The following TRHDE variants were observed in gnomAD, a reference collection of about 807,000 sequenced individuals.
TRHDE encodes thyrotropin-releasing hormone-degrading ectoenzyme.
In TRHDE, 72 loss-of-function variants were observed where a neutral mutation model predicts 125.7. The ratio of observed to expected loss-of-function variants is 0.57; its 90% CI spans 0.47 to 0.70. TRHDE has a LOEUF of 0.70. Ranked by LOEUF, TRHDE falls within the 30% of genes least tolerant of loss-of-function variation. The pLI is 0.00. For synonymous variants in TRHDE, 509 were observed against 509.1 expected (o/e 1.00, Z 0.00); for missense variants, 1,110 against 1,327.1 (o/e 0.84, Z 2.54).
At chr12:72,508,693 G>A (rs1339369351) in intron 6 of TRHDE, among the ~76,000 whole-genome samples, 2 of 152,102 alleles carry the variant, frequency 1.3e-5, no homozygotes, top group Admixed American at 1.3e-4. Flanking sequence ...GACTTTAGGG[G>A]ACTGCTGGGA....
chr12:72,553,921 G>A (rs148195106), intron 7 of TRHDE, among the ~76,000 whole-genome samples: 2 of 145,028 alleles, frequency 1.4e-5, no homozygotes, highest in Admixed American at 7.1e-5. Flanking sequence ...CAACCTCAAC[G>A]CACTGCAACT....
At chr12:72,365,936 CT>C (rs1871323270) in intron 2 of TRHDE, among the ~76,000 whole-genome samples, 1 of 152,112 alleles carries the variant, frequency 6.6e-6, no homozygotes, top group Non-Finnish European at 1.5e-5. Flanking sequence ...GCCTCTCCAG[CT>C]TCTAATACTG....
At chr12:72,383,628 T>G (rs1442253865) in intron 3 of TRHDE, among the ~76,000 whole-genome samples, 1 of 151,922 alleles carries the variant, frequency 6.6e-6, no homozygotes. Flanking sequence ...CCACCTGCCT[T>G]GGCCTCCCAA....
At chr12:72,155,726 C>T (rs141881565) in intron 2 of TRHDE, among the ~76,000 whole-genome samples, 4,660 of 152,202 alleles carry the variant, frequency 0.031, 126 homozygotes, top group African/African-American at 0.068. Flanking sequence ...GAACAGCAAA[C>T]GTTGCTGCCT....
At chr12:72,467,076 C>A (rs1320893145) in intron 3 of TRHDE, among the ~76,000 whole-genome samples, 2 of 152,130 alleles carry the variant, frequency 1.3e-5, no homozygotes, top group Admixed American at 1.3e-4. Context: ...CCGTTGATAT[C>A]CTATTTACCT....
Position 72,516,367 on chromosome 12 carries a change from G to A in TRHDE, c.1722+16732G>A, listed in dbSNP as rs187970666. 7.8e-4 allele frequency among the ~76,000 whole-genome samples: 119 copies of A among 152,260 alleles called. No homozygotes were observed. In the South Asian group the frequency reaches 7.9e-3, roughly 10 times the overall value. On this transcript the variant is annotated intron_variant, in intron 6 of 18. Coordinates refer to ENST00000261180, the MANE Select transcript of TRHDE (RefSeq NM_013381.3). Reference sequence around the variant, plus strand: ...CTTGAAGAGGTCCTTCACATCCCTTGTAAGTTCAATTCCTAGGTATTTTAT... The same window carrying A: ...CTTGAAGAGGTCCTTCACATCCCTTATAAGTTCAATTCCTAGGTATTTTAT...
At chr12:72,498,963 ATGTGTGTGTGTGTG>A (rs72163048) in intron 5 of TRHDE, among the ~76,000 whole-genome samples, 4 of 147,168 alleles carry the variant, frequency 2.7e-5, no homozygotes, top group Non-Finnish European at 6.0e-5. Context: ...CAGAAAATAA[ATGTGTGTGTGTGTG>A]TGTGTGTGTG....
At chr12:72,220,341 A>T (rs539219721) in intron 2 of TRHDE, among the ~76,000 whole-genome samples, 1 of 152,172 alleles carries the variant, frequency 6.6e-6, no homozygotes, top group African/African-American at 2.4e-5. Flanking sequence ...CCTAAAACAT[A>T]TAGTCTAGGC....
intron 3 of TRHDE, among the ~76,000 whole-genome samples, chr12:72,380,755 C>CTTCT (rs1565720473): frequency 1.2e-3 from 109 of 93,278 alleles, no homozygotes; most frequent in African/African-American, 7.3e-3. Context: ...TCCTTCCTTC[C>CTTCT]TTCCTTCCTT....
intron 15 of TRHDE, among the ~76,000 whole-genome samples, chr12:72,632,110 T>A (rs2136087453): frequency 6.6e-6 from 1 of 152,104 alleles, no homozygotes. Flanking sequence ...AGTGGGGCTT[T>A]CATAGACACT....
intron 3 of TRHDE, among the ~76,000 whole-genome samples, chr12:72,387,902 A>G (rs1160693517): frequency 6.6e-6 from 1 of 152,074 alleles, no homozygotes; most frequent in African/African-American, 2.4e-5. Context: ...GAGTTCATTA[A>G]ACCTCTTTTT....
intron 15 of TRHDE, among the ~76,000 whole-genome samples, chr12:72,630,627 A>G (rs933714674): frequency 1.3e-5 from 2 of 151,650 alleles, no homozygotes. Context: ...CCTTTGTTTG[A>G]TGGAATATCA....
At chr12:72,500,322 A>G (rs1390658032) in intron 6 of TRHDE, among the ~76,000 whole-genome samples, 2 of 152,152 alleles carry the variant, frequency 1.3e-5, no homozygotes, top group African/African-American at 4.8e-5. Context: ...CCACTTAATA[A>G]TAGTTAAAAT....
chr12:72,250,880 ACTTT>A (rs1878669946), intron 2 of TRHDE, among the ~76,000 whole-genome samples: 1 of 117,372 alleles, frequency 8.5e-6, no homozygotes, highest in Admixed American at 8.6e-5. Flanking sequence ...TTTATTGCAT[ACTTT>A]ATTTAGAGCA....
At chr12:72,537,209 A>G (rs570669901) in intron 6 of TRHDE, among the ~76,000 whole-genome samples, 1 of 152,210 alleles carries the variant, frequency 6.6e-6, no homozygotes, top group East Asian at 1.9e-4. Context: ...CAAATAGTTA[A>G]TGAATGACAG....
At chr12:72,411,505 C>A (rs1299511301) in intron 3 of TRHDE, among the ~76,000 whole-genome samples, 1 of 151,700 alleles carries the variant, frequency 6.6e-6, no homozygotes, top group East Asian at 1.9e-4. Flanking sequence ...AAACTTAGAA[C>A]AAAAATTAAT....
chr12:72,566,054 T>C (rs1870427611), intron 9 of TRHDE, among the ~76,000 whole-genome samples: 1 of 152,070 alleles, frequency 6.6e-6, no homozygotes, highest in Non-Finnish European at 1.5e-5. Flanking sequence ...TCTAGTCTTT[T>C]AAGTTATAAT....
intron 3 of TRHDE, among the ~76,000 whole-genome samples, chr12:72,424,173 T>TG (rs1279371443): frequency 6.6e-6 from 1 of 152,188 alleles, no homozygotes; most frequent in Non-Finnish European, 1.5e-5. Flanking sequence ...AGACTCTGGG[T>TG]GGGATCTTCC....
intron 3 of TRHDE, among the ~76,000 whole-genome samples, chr12:72,425,077 T>A (rs1452102632): frequency 6.6e-6 from 1 of 152,154 alleles, no homozygotes; most frequent in East Asian, 1.9e-4. Flanking sequence ...GTGTTTTACA[T>A]TGAATTTTAT....
Sources: allele counts gnomAD v4.1 joint callset (sites outside exome capture counted in the v4.1 genomes callset), GRCh38; gene constraint gnomAD v4.1.1; transcripts MANE v1.5; gene names NCBI Gene and HGNC (gene_info 2026-07-23, HGNC 2026-07-21).